The following EDA variants were observed in gnomAD, a reference collection of about 807,000 sequenced individuals.
The protein encoded by EDA is ectodysplasin A.
In EDA, 2 loss-of-function variants were observed where a neutral mutation model predicts 23.6. That is an observed-to-expected ratio of 0.08 (90% CI 0.03 to 0.27). EDA has a LOEUF of 0.27. EDA is among the 10% of genes least tolerant of loss of function. The pLI is 1.00. For synonymous variants in EDA, 131 were observed against 132.0 expected, an observed-to-expected ratio of 0.99 and a Z score of 0.05; for missense variants, 229 against 324.2, an observed-to-expected ratio of 0.71 and a Z score of 2.26.
intron 2 of EDA, among the ~76,000 whole-genome samples, chrX:69,960,098 T>C (rs60292233): frequency 0.067 from 7,491 of 111,345 alleles, 598 homozygotes; most frequent in African/African-American, 0.23. Flanking sequence ...GGATCTGATG[T>C]ATGTTTTAAC....
At chrX:69,955,599 G>GA (rs1253933774) in intron 1 of EDA, among the ~76,000 whole-genome samples, 1 of 111,470 alleles carries the variant, frequency 9.0e-6, no homozygotes, top group African/African-American at 3.3e-5. Context: ...ATAATAGAAT[G>GA]AAAATGCAGA....
chrX:69,854,102 A>G (rs1234822686), intron 1 of EDA, among the ~76,000 whole-genome samples: 1 of 111,342 alleles, frequency 9.0e-6, no homozygotes, highest in African/African-American at 3.3e-5. Flanking sequence ...TCACTCAGGT[A>G]TTAAGCCTAT....
At chrX:69,909,055 C>T (rs1380242392) in intron 1 of EDA, among the ~76,000 whole-genome samples, 1 of 111,022 alleles carries the variant, frequency 9.0e-6, no homozygotes, top group East Asian at 2.8e-4. Context: ...ACAACTGTGT[C>T]CATCATAATT....
chrX:69,756,340 G>A (rs1395795064), intron 1 of EDA, among the ~76,000 whole-genome samples: 1 of 112,088 alleles, frequency 8.9e-6, no homozygotes, highest in Non-Finnish European at 1.9e-5. Context: ...ATTTATAATT[G>A]CATTTTTTAT....
intron 1 of EDA, among the ~76,000 whole-genome samples, chrX:69,835,783 A>G (rs778370447): frequency 3.6e-5 from 4 of 111,660 alleles, no homozygotes; most frequent in Non-Finnish European, 3.8e-5. Context: ...CCTTTGGAGG[A>G]GAAGAGGCAC....
chrX:69,722,593 A>G (rs1022987329), intron 1 of EDA, among the ~76,000 whole-genome samples: 6 of 111,766 alleles, frequency 5.4e-5, no homozygotes, highest in Admixed American at 2.9e-4. Context: ...TTATCCTCAG[A>G]ATATATCTCT....
intron 1 of EDA, among the ~76,000 whole-genome samples, chrX:69,798,475 C>T (rs2015597755): frequency 9.0e-6 from 1 of 111,320 alleles, no homozygotes; most frequent in Non-Finnish European, 1.9e-5. Context: ...TCTTCTCAGA[C>T]CACAAGAGAA....
intron 2 of EDA, among the ~76,000 whole-genome samples, chrX:69,961,251 A>C (rs2019098134): frequency 9.0e-6 from 1 of 111,347 alleles, no homozygotes; most frequent in African/African-American, 3.3e-5. Context: ...CTGGGATTAC[A>C]GGGGTAAGCC....
At chrX:69,859,982 T>C (rs1474070857) in intron 1 of EDA, among the ~76,000 whole-genome samples, 2 of 78,954 alleles carry the variant, frequency 2.5e-5, no homozygotes, top group Non-Finnish European at 5.5e-5. Flanking sequence ...ATAATGCCCT[T>C]CCTTGTATTT....
rs754851778 is a variant in EDA, at chrX:69,616,336, G to C, written c.28G>C (p.Glu10Gln). ...GGGCTACCCGGAGGTGGAGCGCAGG[G>C]AACTCCTGCCTGCAGCAGCGCCGCG... is the stretch of plus-strand genomic sequence containing the variant. MGYPEVERR[E>Q]LLPAAAPRER... Residue 10 changes from glutamate to glutamine, a missense_variant, in exon 1 of 8, where the codon GAA becomes CAA. Around this residue, in one of 2 missense-constraint regions of EDA, gnomAD observed 54 missense variants for 42.4 expected, o/e 1.27. Coordinates refer to ENST00000374552, the MANE Select transcript of EDA (RefSeq NM_001399.5). 8 of 1,201,514 alleles carry C rather than the reference G, an allele frequency of 6.7e-6. No individual in the cohort carries two copies. Among genetic ancestry groups the C allele is most frequent in the Non-Finnish European group, 7.8e-6 (7 of 893,681 alleles).
intron 1 of EDA, among the ~76,000 whole-genome samples, chrX:69,656,765 C>A (rs766721162): frequency 9.0e-6 from 1 of 111,635 alleles, no homozygotes; most frequent in Admixed American, 9.6e-5. Flanking sequence ...TTTTCTGTTC[C>A]TGCATTAGTT....
chrX:69,719,597 C>T (rs1174671428), intron 1 of EDA, among the ~76,000 whole-genome samples: 2 of 110,787 alleles, frequency 1.8e-5, no homozygotes, highest in African/African-American at 3.3e-5. Flanking sequence ...TGAGAACATG[C>T]GGCATTTGTT....
chrX:69,825,887 T>C (rs2016414109), intron 1 of EDA, among the ~76,000 whole-genome samples: 1 of 109,911 alleles, frequency 9.1e-6, no homozygotes, highest in South Asian at 4.1e-4. Flanking sequence ...CCAGAGATTC[T>C]GGTATGTTGT....
At chrX:69,979,574 G>A (rs951703516) in intron 2 of EDA, among the ~76,000 whole-genome samples, 1 of 111,263 alleles carries the variant, frequency 9.0e-6, no homozygotes, top group Non-Finnish European at 1.9e-5. Context: ...TTATCTTTTT[G>A]ATTATATCAT....
chrX:69,992,958 T>A (rs1449781450), intron 2 of EDA, among the ~76,000 whole-genome samples: 2 of 111,295 alleles, frequency 1.8e-5, no homozygotes, highest in African/African-American at 6.5e-5. Flanking sequence ...AGGCCTTTAG[T>A]CTGTGTCTGT....
At chrX:69,896,311 G>T (rs1377910158) in intron 1 of EDA, among the ~76,000 whole-genome samples, 3 of 110,733 alleles carry the variant, frequency 2.7e-5, no homozygotes, top group Non-Finnish European at 5.7e-5. Context: ...GGTACTGGGG[G>T]GACTGGTGTG....
chrX:69,726,974 A>G (rs1423479265), intron 1 of EDA, among the ~76,000 whole-genome samples: 1 of 111,891 alleles, frequency 8.9e-6, no homozygotes, highest in South Asian at 3.8e-4. Context: ...GCAGTGTTTT[A>G]CACTCTGTGC....
In EDA at chrX:69,735,364, A is replaced by G. The variant is rs183250686; in HGVS notation, c.396+118660A>G. On this transcript the variant is annotated intron_variant, in intron 1 of 7. Coordinates refer to ENST00000374552, the MANE Select transcript of EDA (RefSeq NM_001399.5). ...AAGGGAAGGCTGTGACTCCTGTCAT[A>G]TGCTACAGCATGGATGGGCTTTGAA... Among the ~76,000 whole-genome samples, 131 of 90,392 alleles carry G rather than the reference A, an allele frequency of 1.4e-3. 2 individuals are homozygous for G. The Admixed American group carries it at 0.015, about 10-fold the overall frequency. The allele number at this position is 90,392 out of a possible 115,157, so 78.5% of individuals were successfully genotyped here. A position where few individuals can be genotyped will look rare whatever the true frequency, so the allele number is the denominator to read the frequency against.
intron 3 of EDA, among the ~76,000 whole-genome samples, chrX:70,027,129 C>T (rs2020117191): frequency 8.9e-6 from 1 of 111,944 alleles, no homozygotes; most frequent in South Asian, 3.7e-4. Flanking sequence ...ACAAAGTGAC[C>T]CATAGGTCTA....
Sources: gnomAD v4.1 joint callset for allele counts (sites outside exome capture counted in the v4.1 genomes callset) on GRCh38, gnomAD v4.1.1 for gene constraint, gnomAD v4.1.1 regional missense constraint, MANE v1.5 for transcripts, NCBI Gene and HGNC (gene_info 2026-07-23, HGNC 2026-07-21) for gene names.